The following POU2F1 variants were observed in gnomAD, a reference collection of about 807,000 sequenced individuals.
POU2F1 encodes the protein POU class 2 homeobox 1.
POU2F1 carries 16 observed loss-of-function variants against 84.9 expected under a neutral mutation model. The ratio of observed to expected loss-of-function variants is 0.19; its 90% CI spans 0.13 to 0.29. POU2F1 has a LOEUF of 0.29. Among genes scored for constraint, POU2F1 ranks in the 10% least tolerant of loss-of-function variants. POU2F1 has a pLI of 1.00. For synonymous variants in POU2F1, 368 were observed against 368.3 expected, an observed-to-expected ratio of 1.00 and a Z score of 0.01; for missense variants, 738 against 942.6, an observed-to-expected ratio of 0.78 and a Z score of 2.84.
Position 167,423,619 on chromosome 1 carries a change from A to G in POU2F1, c.*7809A>G, listed in dbSNP as rs550398907. 6.6e-6 allele frequency: 1 copy of G among 152,206 alleles called. No individual in the cohort carries two copies. Among genetic ancestry groups the G allele is most frequent in the African/African-American group, 2.4e-5 (1 of 41,502 alleles). The allele number at this position is 152,206 out of a possible 1,614,324, so 9.4% of individuals were successfully genotyped here. The stretch of plus-strand genomic sequence containing the variant: ...TGTTTCTGTGTCCCTGTATCTGCCC[A>G]CCCTGCACAGGGCTCCACCACCCAG... On this transcript the variant is annotated 3_prime_UTR_variant, in exon 16 of 16. Coordinates refer to ENST00000367866, the MANE Select transcript of POU2F1 (RefSeq NM_002697.4).
intron 10 of POU2F1, 49 bp from the exon 11 acceptor site, chr1:167,397,945 A>G (rs1026907602): frequency 1.1e-5 from 17 of 1,553,234 alleles, no homozygotes; most frequent in Middle Eastern, 1.7e-4. Context: ...ATGCACATGA[A>G]TCACTGTGCT....
At chr1:167,397,919 T>C in intron 10 of POU2F1, 75 bp from the exon 11 acceptor site, 1 of 1,420,536 alleles carries the variant, frequency 7.0e-7, no homozygotes, top group Non-Finnish European at 9.6e-7. Context: ...TCAGTTTTGT[T>C]GTTAATATGC....
intron 8 of POU2F1, among the ~76,000 whole-genome samples, chr1:167,388,078 A>G (rs1195852610): frequency 1.3e-5 from 2 of 152,220 alleles, no homozygotes; most frequent in African/African-American, 4.8e-5. Context: ...TTGGAAAAGC[A>G]TTTGCATTAA....
intron 1 of POU2F1, among the ~76,000 whole-genome samples, chr1:167,311,771 CATTT>C (rs3059735): frequency 0.27 from 39,657 of 144,538 alleles, 5,511 homozygotes; most frequent in Middle Eastern, 0.4. Flanking sequence ...TACAAAAAAT[CATTT>C]ATTTATTTAT....
chr1:167,240,838 T>A (rs1649845731), intron 1 of POU2F1, among the ~76,000 whole-genome samples: 1 of 152,088 alleles, frequency 6.6e-6, no homozygotes, highest in Non-Finnish European at 1.5e-5. Context: ...GACACCTTGT[T>A]CTGTAATGAA....
intron 1 of POU2F1, chr1:167,241,752 C>T (rs1649919390): frequency 6.6e-6 from 1 of 152,128 alleles, no homozygotes; most frequent in Non-Finnish European, 1.5e-5. Flanking sequence ...CATGTCAACA[C>T]TTATGTAGGC....
chr1:167,426,489 T>A lies in POU2F1; in HGVS notation c.*10679T>A, dbSNP rs1037224170. 6.6e-6 allele frequency: 1 copy of A among 152,254 alleles called. No individual in the cohort carries two copies. The highest frequency in any genetic ancestry group is 1.5e-5 in the Non-Finnish European group (1 of 68,050). 9.4% of individuals were successfully genotyped at this position (152,254 alleles called of 1,614,324 possible). The stretch of plus-strand genomic sequence containing the variant: ...ATCTCCCACCAGGTGTCAATTTAGA[T>A]TGCATATTCCTCATTACTGTTCCCA... On this transcript the variant is annotated 3_prime_UTR_variant, in exon 16 of 16. Coordinates refer to ENST00000367866, the MANE Select transcript of POU2F1 (RefSeq NM_002697.4).
At position 167,374,097 on chromosome 1, in the gene POU2F1, G is replaced by A. The variant is rs752143760; in HGVS notation, c.403-11G>A. The A allele has an allele frequency of 2.4e-5, 39 of 1,613,710 alleles. No individual in the cohort carries two copies. The highest frequency in any genetic ancestry group is 5.9e-6 in the Non-Finnish European group (7 of 1,179,894). ...CAACACTTTCCCATAATGTGTTCTG[G>A]TTTTGTTTAGCTTACTTTGACGCCT... is the stretch of plus-strand genomic sequence containing the variant. On this transcript the variant is annotated splice_polypyrimidine_tract_variant and intron_variant, in intron 5 of 15. Coordinates refer to ENST00000367866, the MANE Select transcript of POU2F1 (RefSeq NM_002697.4).
At chr1:167,313,514 A>G (rs976939550) in intron 1 of POU2F1, among the ~76,000 whole-genome samples, 3 of 152,188 alleles carry the variant, frequency 2.0e-5, no homozygotes, top group African/African-American at 7.2e-5. Context: ...CCAGAAATTG[A>G]CCCAGAGATG....
intron 1 of POU2F1, among the ~76,000 whole-genome samples, chr1:167,282,758 A>G (rs979361196): frequency 2.0e-5 from 3 of 151,960 alleles, no homozygotes; most frequent in South Asian, 2.1e-4. Flanking sequence ...TAACTTTCCT[A>G]TAGGGTTTAG....
At chr1:167,279,572 G>GCC (rs1476866728) in intron 1 of POU2F1, among the ~76,000 whole-genome samples, 1 of 152,184 alleles carries the variant, frequency 6.6e-6, no homozygotes, top group Non-Finnish European at 1.5e-5. Context: ...TCCAGAGGGG[G>GCC]CCGTGCATGG....
chr1:167,277,335 T>A (rs1197873676), intron 1 of POU2F1, among the ~76,000 whole-genome samples: 1 of 151,892 alleles, frequency 6.6e-6, no homozygotes, highest in Non-Finnish European at 1.5e-5. Flanking sequence ...CTCCTGGGCT[T>A]AAGTGATCTA....
chr1:167,233,596 T>C (rs1218803054), intron 1 of POU2F1, among the ~76,000 whole-genome samples: 1 of 152,222 alleles, frequency 6.6e-6, no homozygotes, highest in African/African-American at 2.4e-5. Flanking sequence ...TGTGTAAATA[T>C]GCTCTGTGAT....
intron 10 of POU2F1, among the ~76,000 whole-genome samples, chr1:167,397,158 A>G (rs1184692520): frequency 6.6e-6 from 1 of 152,248 alleles, no homozygotes. Flanking sequence ...GTGTAGCAGA[A>G]ACAAACTCAG....
chr1:167,322,526 C>T (rs1656391548), intron 1 of POU2F1, among the ~76,000 whole-genome samples: 1 of 152,248 alleles, frequency 6.6e-6, no homozygotes, highest in Non-Finnish European at 1.5e-5. Context: ...TCTACTGCAG[C>T]ACTACCGGCT....
rs1428479995 is a variant in POU2F1, at chr1:167,256,451, ATTG to A, written c.61+35500_61+35502del. On this transcript the variant is annotated intron_variant, in intron 1 of 15. Coordinates refer to ENST00000367866, the MANE Select transcript of POU2F1 (RefSeq NM_002697.4). ...CCTAACTGGTATAGAAATGATAATA[ATTG>A]TTGTTGAAGCAGGAGACTAGATGAT... 5.3e-5 allele frequency among the ~76,000 whole-genome samples: 8 copies of A among 151,812 alleles called. 1 individual carries two copies. Among genetic ancestry groups the A allele is most frequent in the Non-Finnish European group, 1.0e-4 (7 of 67,944 alleles).
chr1:167,296,611 C>T (rs971173853), intron 1 of POU2F1, among the ~76,000 whole-genome samples: 1 of 152,122 alleles, frequency 6.6e-6, no homozygotes, highest in African/African-American at 2.4e-5. Context: ...GTAAAGAATT[C>T]AGCTAAAATT....
At chr1:167,373,233 C>T (rs937250326) in intron 5 of POU2F1, among the ~76,000 whole-genome samples, 2 of 152,070 alleles carry the variant, frequency 1.3e-5, no homozygotes, top group African/African-American at 2.4e-5. Context: ...ATTATGGTTC[C>T]ATCTTGTTTG....
intron 1 of POU2F1, among the ~76,000 whole-genome samples, chr1:167,233,264 G>T (rs1252610297): frequency 6.6e-6 from 1 of 151,528 alleles, no homozygotes; most frequent in Non-Finnish European, 1.5e-5. Flanking sequence ...AGCCTCCTGA[G>T]GAGCTGGTAC....
Sources: allele counts gnomAD v4.1 joint callset (sites outside exome capture counted in the v4.1 genomes callset), GRCh38; gene constraint gnomAD v4.1.1; transcripts MANE v1.5; gene names NCBI Gene and HGNC (gene_info 2026-07-23, HGNC 2026-07-21).